Variants in ADAMTSL1 observed in about 807,000 individuals in gnomAD.
The protein encoded by ADAMTSL1 is ADAMTS like 1, also known as ADAMTS-like protein 1.
Under a neutral mutation model 201.8 loss-of-function variants are expected in ADAMTSL1, and 126 were observed. The ratio of observed to expected loss-of-function variants is 0.62; its 90% CI spans 0.54 to 0.72. ADAMTSL1 has a LOEUF of 0.72. Among genes scored for constraint, ADAMTSL1 ranks in the 30% least tolerant of loss-of-function variants. The pLI is 0.00. For missense variants in ADAMTSL1, 2,679 were observed against 2,277.8 expected (o/e 1.18, Z -3.59); for synonymous variants, 1,121 against 903.4 (o/e 1.24, Z -4.32).
chr9:18,579,639 C>T lies in ADAMTSL1; in HGVS notation c.474+5373C>T, dbSNP rs568945868. On this transcript the variant is annotated intron_variant, in intron 4 of 28. Transcript: ENST00000380548. ...GAGTACATGATTTAATATGGGTACA[C>T]ATACGAAAGGGGCACTGACTTCCCA... is the stretch of plus-strand genomic sequence containing the variant. Among the ~76,000 whole-genome samples the T allele has an allele frequency of 1.9e-4, 29 of 152,204 alleles. 1 individual carries two copies. Among genetic ancestry groups the T allele is most frequent in the African/African-American group, 6.5e-4 (27 of 41,534 alleles).
intron 1 of ADAMTSL1, among the ~76,000 whole-genome samples, chr9:18,079,236 GTTTTTAAA>G (rs1410303864): frequency 6.6e-6 from 1 of 152,094 alleles, no homozygotes; most frequent in Non-Finnish European, 1.5e-5. Flanking sequence ...GTAAAGAAGG[GTTTTTAAA>G]TCTCATAAAG....
intron 4 of ADAMTSL1, among the ~76,000 whole-genome samples, chr9:18,605,627 C>T (rs369532852): frequency 1.8e-4 from 27 of 152,306 alleles, no homozygotes; most frequent in African/African-American, 6.3e-4. Flanking sequence ...GAGTTTCCCA[C>T]GTAACTCTTC....
intron 3 of ADAMTSL1, among the ~76,000 whole-genome samples, chr9:18,570,483 ATGTT>A (rs548611032): frequency 1.2e-4 from 18 of 152,326 alleles, no homozygotes; most frequent in Non-Finnish European, 2.5e-4. Flanking sequence ...CAAACAAAGA[ATGTT>A]TGCCAAATCC....
chr9:18,053,805 C>G (rs1822049881), intron 1 of ADAMTSL1, among the ~76,000 whole-genome samples: 2 of 152,192 alleles, frequency 1.3e-5, no homozygotes. Context: ...GGATAAAACA[C>G]AAGCAAGACC....
chr9:17,997,314 G>C (rs1453497426), intron 1 of ADAMTSL1, among the ~76,000 whole-genome samples: 1 of 152,012 alleles, frequency 6.6e-6, no homozygotes, highest in Non-Finnish European at 1.5e-5. Context: ...AAGGGTGTTG[G>C]TTACAATTTT....
chr9:18,456,166 C>T (rs1368534130), intron 2 of ADAMTSL1, among the ~76,000 whole-genome samples: 7 of 152,142 alleles, frequency 4.6e-5, no homozygotes, highest in Non-Finnish European at 1.0e-4. Context: ...TATTAATCAT[C>T]TTCATTGACT....
intron 2 of ADAMTSL1, among the ~76,000 whole-genome samples, chr9:18,168,177 A>G (rs1461943874): frequency 2.0e-5 from 3 of 151,876 alleles, no homozygotes; most frequent in Non-Finnish European, 4.4e-5. Context: ...GGTTTGTTAC[A>G]TATGTATGCA....
intron 23 of ADAMTSL1, among the ~76,000 whole-genome samples, chr9:18,852,557 C>G (rs879554193): frequency 7.9e-5 from 12 of 152,186 alleles, no homozygotes; most frequent in Non-Finnish European, 1.6e-4. Flanking sequence ...TTCATATTTC[C>G]TTTCTCTATT....
intron 2 of ADAMTSL1, among the ~76,000 whole-genome samples, chr9:18,400,592 G>A (rs1168566993): frequency 6.6e-6 from 1 of 152,152 alleles, no homozygotes; most frequent in African/African-American, 2.4e-5. Context: ...ATTTGCAATT[G>A]TACATAGAAT....
intron 15 of ADAMTSL1, among the ~76,000 whole-genome samples, chr9:18,726,324 A>G (rs1169823731): frequency 6.6e-6 from 1 of 152,114 alleles, no homozygotes; most frequent in African/African-American, 2.4e-5. Flanking sequence ...ACAACATGGC[A>G]AAACCCTATC....
chr9:18,805,433 C>A (rs969222437), intron 20 of ADAMTSL1, among the ~76,000 whole-genome samples: 1 of 152,182 alleles, frequency 6.6e-6, no homozygotes, highest in East Asian at 1.9e-4. Context: ...CACTGCTCCT[C>A]ACAGAGTTTT....
At chr9:18,080,052 A>C (rs571128060) in intron 1 of ADAMTSL1, among the ~76,000 whole-genome samples, 10 of 152,208 alleles carry the variant, frequency 6.6e-5, no homozygotes, top group Non-Finnish European at 1.2e-4. Flanking sequence ...CAAGGGTCCA[A>C]GTGTTACCAT....
chr9:18,141,101 T>C (rs185119153), intron 1 of ADAMTSL1, among the ~76,000 whole-genome samples: 218 of 152,276 alleles, frequency 1.4e-3, no homozygotes, highest in African/African-American at 5.1e-3. Context: ...GAGTGACTGA[T>C]GCCAAGCCCT....
chr9:17,940,317 C>T (rs1827186760), intron 1 of ADAMTSL1, among the ~76,000 whole-genome samples: 1 of 151,868 alleles, frequency 6.6e-6, no homozygotes, highest in Admixed American at 6.6e-5. Flanking sequence ...TCCAAAGATC[C>T]AGGAGAGAGA....
At chr9:18,666,262 C>A (rs1053964403) in intron 9 of ADAMTSL1, among the ~76,000 whole-genome samples, 10 of 151,984 alleles carry the variant, frequency 6.6e-5, no homozygotes, top group African/African-American at 2.4e-4. Context: ...TGTTTCCTGG[C>A]CAAAAGTGGT....
chr9:18,586,129 G>A (rs191893479), intron 4 of ADAMTSL1, among the ~76,000 whole-genome samples: 1 of 152,134 alleles, frequency 6.6e-6, no homozygotes, highest in East Asian at 1.9e-4. Flanking sequence ...CATCCAAATA[G>A]GAAGAAAGGA....
intron 2 of ADAMTSL1, among the ~76,000 whole-genome samples, chr9:18,379,048 C>G (rs1229495655): frequency 1.3e-5 from 2 of 152,124 alleles, no homozygotes; most frequent in Non-Finnish European, 2.9e-5. Context: ...GAGGGAGCCT[C>G]TACTTTTTTC....
intron 13 of ADAMTSL1, among the ~76,000 whole-genome samples, chr9:18,705,539 TG>T (rs1221425463): frequency 6.6e-6 from 1 of 152,198 alleles, no homozygotes; most frequent in East Asian, 1.9e-4. Context: ...TTTAGGGGAC[TG>T]GGTGTGAGGA....
intron 1 of ADAMTSL1, among the ~76,000 whole-genome samples, chr9:18,051,705 C>T (rs1821949555): frequency 6.6e-6 from 1 of 152,102 alleles, no homozygotes; most frequent in African/African-American, 2.4e-5. Flanking sequence ...TAAGAAGAAG[C>T]TCCTGTTATG....
Sources: allele counts gnomAD v4.1 joint callset (sites outside exome capture counted in the v4.1 genomes callset), GRCh38; gene constraint gnomAD v4.1.1; transcripts MANE v1.5; gene names NCBI Gene and HGNC (gene_info 2026-07-23, HGNC 2026-07-21).